STPG2: variants seen among roughly 807,000 people sequenced by gnomAD.
STPG2 encodes the protein sperm-tail PG-rich repeat-containing protein 2.
In STPG2, 56 loss-of-function variants were observed where a neutral mutation model predicts 54.2. The ratio of observed to expected loss-of-function variants is 1.03; its 90% CI spans 0.83 to 1.29. STPG2 has a LOEUF of 1.29. Among genes scored for constraint, STPG2 ranks in the 50% most tolerant of loss-of-function variants. The probability of loss-of-function intolerance (pLI) is 0.00; values close to 1 mark genes in which losing one functional copy is unlikely to be tolerated. For missense variants in STPG2, 596 were observed against 544.9 expected, an observed-to-expected ratio of 1.09 and a Z score of -0.93; for synonymous variants, 200 against 181.8, an observed-to-expected ratio of 1.10 and a Z score of -0.81.
intron 4 of STPG2, among the ~76,000 whole-genome samples, chr4:97,530,556 A>G (rs1476267488): frequency 1.3e-5 from 2 of 152,078 alleles, no homozygotes; most frequent in African/African-American, 4.8e-5. Flanking sequence ...AAAAAAGTGA[A>G]TATCATTCAC....
chr4:97,748,234 G>A (rs1268138715), intron 9 of STPG2, among the ~76,000 whole-genome samples: 5 of 151,408 alleles, frequency 3.3e-5, no homozygotes, highest in Non-Finnish European at 7.4e-5. Flanking sequence ...ACTGCTATGA[G>A]GAAGATAAAC....
chr4:97,945,268 T>C (rs1420165643), intron 7 of STPG2, among the ~76,000 whole-genome samples: 7 of 152,120 alleles, frequency 4.6e-5, no homozygotes, highest in African/African-American at 1.7e-4. Flanking sequence ...TGTCTTTGCG[T>C]ACCCATGGCT....
intron 5 of STPG2, among the ~76,000 whole-genome samples, chr4:98,085,242 TA>T (rs1403545035): frequency 6.6e-6 from 1 of 152,116 alleles, no homozygotes; most frequent in Non-Finnish European, 1.5e-5. Flanking sequence ...AAAAATCAGT[TA>T]ACCTGTATGT....
intron 4 of STPG2, among the ~76,000 whole-genome samples, chr4:97,445,395 T>C (rs911270167): frequency 1.3e-5 from 2 of 152,342 alleles, no homozygotes; most frequent in South Asian, 2.1e-4. Context: ...AATAGAACTA[T>C]AATTTGAGCC....
intron 10 of STPG2, among the ~76,000 whole-genome samples, chr4:97,621,698 A>T (rs563432779): frequency 6.6e-6 from 1 of 152,282 alleles, no homozygotes; most frequent in African/African-American, 2.4e-5. Flanking sequence ...CTACTAATGT[A>T]TAAAGAAGAG....
chr4:98,041,805 A>G (rs1736968084), intron 5 of STPG2, among the ~76,000 whole-genome samples: 1 of 151,660 alleles, frequency 6.6e-6, no homozygotes, highest in Admixed American at 6.6e-5. Flanking sequence ...TTTTTGTGTT[A>G]TATCCTTGTC....
chr4:97,958,504 G>A (rs761268561), intron 7 of STPG2, among the ~76,000 whole-genome samples: 5 of 152,016 alleles, frequency 3.3e-5, no homozygotes, highest in Non-Finnish European at 5.9e-5. Context: ...AGACTCACCT[G>A]ACACATAAGA....
chr4:97,701,210 C>T (rs1298095706), intron 10 of STPG2, among the ~76,000 whole-genome samples: 1 of 152,136 alleles, frequency 6.6e-6, no homozygotes, highest in East Asian at 1.9e-4. Context: ...ATGTGGGGGT[C>T]CTGCCAGCTG....
chr4:97,718,020 C>A (rs1245502499), intron 9 of STPG2, among the ~76,000 whole-genome samples: 1 of 151,848 alleles, frequency 6.6e-6, no homozygotes, highest in Non-Finnish European at 1.5e-5. Flanking sequence ...ATTATCAAGG[C>A]AAAAAAGTAG....
chr4:97,670,071 T>C (rs912220696), intron 10 of STPG2, among the ~76,000 whole-genome samples: 1 of 152,072 alleles, frequency 6.6e-6, no homozygotes, highest in Non-Finnish European at 1.5e-5. Context: ...GTAAGTATAA[T>C]TTAAAAAAAA....
intron 9 of STPG2, among the ~76,000 whole-genome samples, chr4:97,739,601 C>G (rs1725149310): frequency 6.6e-6 from 1 of 152,204 alleles, no homozygotes; most frequent in Admixed American, 6.5e-5. Flanking sequence ...CGCAAATAAA[C>G]TAGAAAATCT....
At chr4:98,100,832 T>G (rs1046899207) in intron 5 of STPG2, among the ~76,000 whole-genome samples, 2 of 151,830 alleles carry the variant, frequency 1.3e-5, no homozygotes, top group Non-Finnish European at 2.9e-5. Context: ...CGTGCCACCA[T>G]GCTGAACTAA....
intron 3 of STPG2, among the ~76,000 whole-genome samples, chr4:98,123,093 CTTT>C (rs1207753049): frequency 6.6e-6 from 1 of 151,986 alleles, no homozygotes; most frequent in African/African-American, 2.4e-5. Flanking sequence ...CTCTTTTCTT[CTTT>C]GTTATTCTAG....
chr4:97,651,523 TAAA>T (rs1189543945), intron 10 of STPG2, among the ~76,000 whole-genome samples: 4 of 152,144 alleles, frequency 2.6e-5, no homozygotes, highest in Non-Finnish European at 1.5e-5. Flanking sequence ...GAATTGAACT[TAAA>T]TACCTAAATG....
At chr4:97,495,314 C>G (rs983731052) in intron 4 of STPG2, among the ~76,000 whole-genome samples, 1 of 151,208 alleles carries the variant, frequency 6.6e-6, no homozygotes, top group Non-Finnish European at 1.5e-5. Flanking sequence ...TCTGTCTAAG[C>G]TAAAGTATAG....
chr4:97,907,158 C>T (rs984766308), intron 8 of STPG2, among the ~76,000 whole-genome samples: 1 of 152,008 alleles, frequency 6.6e-6, no homozygotes, highest in Admixed American at 6.5e-5. Flanking sequence ...TGATAAGCAA[C>T]TTCAGCAAAG....
intron 9 of STPG2, among the ~76,000 whole-genome samples, chr4:97,713,842 T>G (rs17026873): frequency 7.9e-5 from 12 of 152,130 alleles, no homozygotes. Flanking sequence ...GAGACGTAAT[T>G]TTTTTTCTTC....
chr4:97,563,544 T>G (rs1345369488), intron 10 of STPG2, among the ~76,000 whole-genome samples: 1 of 152,244 alleles, frequency 6.6e-6, no homozygotes, highest in Non-Finnish European at 1.5e-5. Flanking sequence ...TTGTCAATTT[T>G]GGATCTTTCC....
intron 8 of STPG2, among the ~76,000 whole-genome samples, chr4:97,871,899 T>C (rs1055625392): frequency 6.6e-6 from 1 of 151,036 alleles, no homozygotes; most frequent in Non-Finnish European, 1.5e-5. Flanking sequence ...CTAAATAAAA[T>C]AATTGTGAAC....
Sources: allele counts gnomAD v4.1 joint callset (sites outside exome capture counted in the v4.1 genomes callset), GRCh38; gene constraint gnomAD v4.1.1; transcripts MANE v1.5; gene names NCBI Gene and HGNC (gene_info 2026-07-23, HGNC 2026-07-21).